Variants in PTPRD observed in about 807,000 individuals in gnomAD.
PTPRD encodes the protein receptor-type tyrosine-protein phosphatase delta.
In PTPRD, 34 loss-of-function variants were observed where a neutral mutation model predicts 214.5. The ratio of observed to expected loss-of-function variants is 0.16; its 90% confidence interval spans 0.12 to 0.21. The LOEUF is 0.21. PTPRD is among the 10% of genes least tolerant of loss of function. The pLI, the probability that PTPRD is intolerant of heterozygous loss-of-function variation, is 1.00. For synonymous variants in PTPRD, 1,128 were observed against 845.7 expected (o/e 1.33, Z -5.79); for missense variants, 2,545 against 2,398.7 (o/e 1.06, Z -1.27).
At chr9:8,333,834 T>A (rs934109781) in intron 43 of PTPRD, among the ~76,000 whole-genome samples, 2 of 151,276 alleles carry the variant, frequency 1.3e-5, no homozygotes, top group East Asian at 1.9e-4. Flanking sequence ...TGGAGGAAGA[T>A]CTACCAAGCA....
At chr9:9,501,551 A>G (rs2096414818) in intron 8 of PTPRD, among the ~76,000 whole-genome samples, 1 of 151,938 alleles carries the variant, frequency 6.6e-6, no homozygotes, top group Admixed American at 6.6e-5. Context: ...AAATAACACA[A>G]TCAACAATCT....
intron 9 of PTPRD, among the ~76,000 whole-genome samples, chr9:9,286,353 A>G (rs962147285): frequency 3.3e-5 from 5 of 151,838 alleles, no homozygotes; most frequent in African/African-American, 1.2e-4. Context: ...CAATACAGCA[A>G]AGACTAAACC....
At chr9:8,831,552 TAGAAAG>T (rs1320851474) in intron 11 of PTPRD, among the ~76,000 whole-genome samples, 4 of 152,132 alleles carry the variant, frequency 2.6e-5, no homozygotes, top group African/African-American at 9.7e-5. Flanking sequence ...TCATTTCAAA[TAGAAAG>T]AGAAACAACT....
chr9:8,653,721 G>A (rs1010185208), intron 12 of PTPRD, among the ~76,000 whole-genome samples: 2 of 152,088 alleles, frequency 1.3e-5, no homozygotes, highest in African/African-American at 4.8e-5. Context: ...CCAAGAGATC[G>A]ATGCTTTTGC....
rs12000350 is a variant in PTPRD, at chr9:10,382,778, C to T, written c.-599-41761G>A. Among the ~76,000 whole-genome samples, 418 of 151,912 alleles carry T rather than the reference C, an allele frequency of 2.8e-3. 4 individuals carry two copies. The highest frequency in any genetic ancestry group is 9.1e-3 in the African/African-American group (377 of 41,504). On this transcript the variant is annotated intron_variant, in intron 2 of 45. Coordinates refer to ENST00000381196, the MANE Select transcript of PTPRD (RefSeq NM_002839.4). ...ATTTGCATGAGTAAAATAAATATAA[C>T]GGCATTTGTCAAGGAAGATGGTCCC...
chr9:9,855,033 A>T (rs962856706), intron 5 of PTPRD, among the ~76,000 whole-genome samples: 1 of 151,848 alleles, frequency 6.6e-6, no homozygotes, highest in Non-Finnish European at 1.5e-5. Context: ...TAACAACAAC[A>T]TATTTTCAAG....
intron 14 of PTPRD, among the ~76,000 whole-genome samples, chr9:8,539,293 G>A (rs558645491): frequency 6.6e-6 from 1 of 151,896 alleles, no homozygotes; most frequent in Admixed American, 6.6e-5. Flanking sequence ...AAATGATAGG[G>A]AAAGTCTTAA....
intron 12 of PTPRD, among the ~76,000 whole-genome samples, chr9:8,722,006 T>C (rs944761965): frequency 6.6e-6 from 1 of 152,236 alleles, no homozygotes; most frequent in Non-Finnish European, 1.5e-5. Context: ...GAGAGACCAC[T>C]GGGTTGTCAC....
intron 2 of PTPRD, among the ~76,000 whole-genome samples, chr9:10,424,900 T>C (rs2098598142): frequency 6.6e-6 from 1 of 152,016 alleles, no homozygotes; most frequent in Admixed American, 6.6e-5. Context: ...TGTAAATGAT[T>C]AAATGAATAG....
chr9:9,965,239 G>A (rs377653943), intron 4 of PTPRD, among the ~76,000 whole-genome samples: 17 of 152,252 alleles, frequency 1.1e-4, no homozygotes, highest in African/African-American at 3.9e-4. Context: ...ACCTCAGGTT[G>A]GGGTGGTTGT....
intron 7 of PTPRD, among the ~76,000 whole-genome samples, chr9:9,607,120 C>A (rs2094212402): frequency 6.6e-6 from 1 of 151,362 alleles, no homozygotes; most frequent in Non-Finnish European, 1.5e-5. Context: ...TTTACACAGA[C>A]TGAATGCAAT....
intron 43 of PTPRD, among the ~76,000 whole-genome samples, chr9:8,336,014 G>A (rs1283705978): frequency 2.0e-5 from 3 of 151,872 alleles, no homozygotes; most frequent in Non-Finnish European, 2.9e-5. Context: ...AATCAATATC[G>A]TGAAAATGGC....
chr9:10,163,924 C>T (rs1335010418), intron 3 of PTPRD, among the ~76,000 whole-genome samples: 9 of 151,150 alleles, frequency 6.0e-5, no homozygotes, highest in Non-Finnish European at 1.2e-4. Context: ...TCATATTTTG[C>T]CATTTATTTT....
intron 2 of PTPRD, among the ~76,000 whole-genome samples, chr9:10,405,711 C>G (rs997730953): frequency 6.6e-6 from 1 of 151,370 alleles, no homozygotes; most frequent in Non-Finnish European, 1.5e-5. Context: ...TAAATGGAAA[C>G]TCAATAATAT....
At chr9:10,456,580 C>T (rs1377758833) in intron 2 of PTPRD, among the ~76,000 whole-genome samples, 1 of 151,816 alleles carries the variant, frequency 6.6e-6, no homozygotes, top group Non-Finnish European at 1.5e-5. Context: ...AAATAGATAG[C>T]ACCTTTCTCT....
intron 3 of PTPRD, among the ~76,000 whole-genome samples, chr9:10,158,524 G>C (rs75379551): frequency 0.1 from 15,645 of 152,220 alleles, 1,039 homozygotes; most frequent in South Asian, 0.2. Flanking sequence ...AAGCAAGCTA[G>C]CTTCACTGCC....
intron 2 of PTPRD, among the ~76,000 whole-genome samples, chr9:10,516,132 A>AT (rs1357900903): frequency 6.6e-5 from 10 of 151,760 alleles, no homozygotes; most frequent in Non-Finnish European, 1.0e-4. Flanking sequence ...TCTATTTTTT[A>AT]TTTTTTGAAA....
chr9:9,173,791 C>T (rs1405799220), intron 10 of PTPRD, among the ~76,000 whole-genome samples: 2 of 152,102 alleles, frequency 1.3e-5, no homozygotes, highest in Non-Finnish European at 2.9e-5. Context: ...CACCTCTGCT[C>T]GTCACTATCT....
intron 35 of PTPRD, among the ~76,000 whole-genome samples, chr9:8,427,895 C>T (rs2131985127): frequency 6.6e-6 from 1 of 151,996 alleles, no homozygotes; most frequent in South Asian, 2.1e-4. Flanking sequence ...GATGGAGTAT[C>T]TTAAAATTGA....
Sources: gnomAD v4.1 joint callset for allele counts (sites outside exome capture counted in the v4.1 genomes callset) on GRCh38, gnomAD v4.1.1 for gene constraint, MANE v1.5 for transcripts, NCBI Gene and HGNC (gene_info 2026-07-23, HGNC 2026-07-21) for gene names.